NUMBL: variants seen among roughly 807,000 people sequenced by gnomAD.
The protein encoded by NUMBL is numb-like protein.
In NUMBL, 20 loss-of-function variants were observed where a neutral mutation model predicts 48.9. The ratio of observed to expected loss-of-function variants is 0.41; its 90% CI spans 0.29 to 0.59. The LOEUF (loss-of-function observed/expected upper bound fraction) is 0.59. NUMBL is among the 20% of genes least tolerant of loss of function. The pLI is 0.31. For synonymous variants in NUMBL, 340 were observed against 348.7 expected (o/e 0.98, Z 0.28); for missense variants, 660 against 846.2 (o/e 0.78, Z 2.73).
chr19:40,680,800 T>G (rs769801059), intron 6 of NUMBL, 117 bp downstream of exon 6: 35 of 1,157,764 alleles, frequency 3.0e-5, no homozygotes, highest in Non-Finnish European at 4.3e-5. Context: ...CTTCTCCAGA[T>G]GAGGAAACTG....
At position 40,667,465 on chromosome 19, in the gene NUMBL, G is replaced by A. The variant is rs774907654; in HGVS notation, c.*3C>T. ...GATGATGGAGTGGGTGGGGCGGCTC[G>A]GGCTACAGTTCAATCTCGAATGTCT... On this transcript the variant is annotated 3_prime_UTR_variant, in exon 10 of 10. Coordinates refer to ENST00000252891, the MANE Select transcript of NUMBL (RefSeq NM_004756.5). This position sits in a 1 kb window ranked among gnomAD's most constrained non-coding sequence, Gnocchi z 6.1. The A allele has an allele frequency of 2.1e-5, 33 of 1,602,480 alleles. No individual in the cohort carries two copies. Among genetic ancestry groups the A allele is most frequent in the South Asian group, 6.7e-5 (6 of 89,018 alleles).
At position 40,686,993 on chromosome 19, in the gene NUMBL, G is replaced by A. The variant is rs768826919; in HGVS notation, c.27C>T (p.Gly9=). The A allele has an allele frequency of 7.3e-6, 11 of 1,503,464 alleles. No homozygotes were observed. Among genetic ancestry groups the A allele is most frequent in the East Asian group, 2.5e-5 (1 of 40,032 alleles). 93.1% of individuals were successfully genotyped at this position (1,503,464 alleles called of 1,614,324 possible). MSRSAAAS[G]GPRRPERHLP... ...GGTGCCGCTCAGGCCTCCGGGGTCC[G>A]CCCTGCCCGAGTAGGGGAGGAGAAG... Residue 9 remains glycine (G), a splice_region_variant and synonymous_variant, in exon 2 of 10, where the codon GGC becomes GGT. Coordinates refer to ENST00000252891, the MANE Select transcript of NUMBL (RefSeq NM_004756.5).
chr19:40,680,479 C>T (rs2081899263), intron 6 of NUMBL, among the ~76,000 whole-genome samples: 5 of 150,904 alleles, frequency 3.3e-5, no homozygotes, highest in African/African-American at 9.8e-5. Flanking sequence ...GATGGAGTCT[C>T]ACTCTGTCTC....
rs763700067 is a variant in NUMBL at position 40,687,368 on chromosome 19, C to A, written c.25-373G>T. On this transcript the variant is annotated intron_variant, in intron 1 of 9. Transcript: ENST00000252891. The surrounding 1 kb of genome is among the most constrained non-coding windows in gnomAD (Gnocchi z 4.6). Reference sequence around the variant, plus strand: ...CTTTACACACTTGGTTACACATAGACGCAATCACAGCTACACACCTCAGAT... The same window carrying A: ...CTTTACACACTTGGTTACACATAGAAGCAATCACAGCTACACACCTCAGAT... Among the ~76,000 whole-genome samples, 1 of 152,190 alleles carries A rather than the reference C, an allele frequency of 6.6e-6. No homozygotes were observed. The highest frequency in any genetic ancestry group is 2.4e-5 in the African/African-American group (1 of 41,438).
rs199622242 is a variant in NUMBL, at chr19:40,667,974, GC to G, written c.1323del (p.Gln441HisfsTer144). Reference sequence around the variant, plus strand: ...ACTGAGGCTGCTTGCTGCTGTTGCTGCTGCTGCTGCTGCTGCTGTTGCTGTT... The same window carrying G: ...ACTGAGGCTGCTTGCTGCTGTTGCTGTGCTGCTGCTGCTGCTGTTGCTGTT... ...QQQQQQQQQQQQQQQQAASVA... is the reference protein window; with the variant it reads ...QQQQQQQQQQXQQQQQAASVA... On this transcript the variant is annotated frameshift_variant, in exon 10 of 10. Transcript: ENST00000252891. LOFTEE classifies it low-confidence loss of function (END_TRUNC). This position sits in a 1 kb window ranked among gnomAD's most constrained non-coding sequence, Gnocchi z 6.1. 2.0e-5 allele frequency: 30 copies of G among 1,473,160 alleles called. No individual in the cohort carries two copies. Among genetic ancestry groups the G allele is most frequent in the African/African-American group, 7.8e-5 (3 of 38,622 alleles). 91.3% of individuals were successfully genotyped at this position (1,473,160 alleles called of 1,614,324 possible). A position where few individuals can be genotyped will look rare whatever the true frequency, so the allele number is the denominator to read the frequency against.
intron 2 of NUMBL, 105 bp from the exon 3 acceptor site, chr19:40,684,661 T>G: frequency 7.0e-7 from 1 of 1,425,204 alleles, no homozygotes; most frequent in African/African-American, 1.5e-5. Flanking sequence ...GATAACAAGA[T>G]AACTGGAAGC....
At chr19:40,681,142 C>T (rs1012053525) in intron 5 of NUMBL, 85 bp from the exon 6 acceptor site, 7 of 1,483,194 alleles carry the variant, frequency 4.7e-6, no homozygotes, top group Non-Finnish European at 5.6e-6. Context: ...CTGCTGAAAT[C>T]CAGTCCTGAA....
At chr19:40,684,286 C>A in intron 3 of NUMBL, 131 bp downstream of exon 3, 1 of 957,634 alleles carries the variant, frequency 1.0e-6, no homozygotes, top group South Asian at 1.7e-5. Flanking sequence ...GCCAGGACTG[C>A]CGGCCTCACG....
rs1156621782 is a variant in NUMBL, at chr19:40,684,481, C to A, written c.185G>T (p.Arg62Leu). 6.3e-7 allele frequency: 1 copy of A among 1,591,140 alleles called. No individual in the cohort carries two copies. The highest frequency in any genetic ancestry group is 2.3e-5 in the East Asian group (1 of 43,842). Residue 62 changes from arginine to leucine, a missense_variant, in exon 3 of 10, where the codon CGC (arginine) becomes CTC (leucine). Physicochemically the swap from Arg to Leu is moderately radical, Grantham distance 102. Transcript: ENST00000252891. ...CTCGTCTGCCTGCCACTGGTGCGGG[C>A]GCGACGCCTCGGGCACGTAGGCTGG... ...RKPAYVPEAS[R>L]PHQWQADEDA...
rs558551553 is a variant in NUMBL, at chr19:40,687,640, T to C, written c.25-645A>G. Among the ~76,000 whole-genome samples, 20 of 152,270 alleles carry C rather than the reference T, an allele frequency of 1.3e-4. No individual in the cohort carries two copies. The East Asian group carries it at 3.7e-3, about 28-fold the overall frequency. On this transcript the variant is annotated intron_variant, in intron 1 of 9. Transcript: ENST00000252891. The surrounding 1 kb of genome is among the most constrained non-coding windows in gnomAD (Gnocchi z 4.6). The stretch of plus-strand genomic sequence containing the variant: ...ACAACCCACTAGAGCCGCACATGCG[T>C]GGCCACACCCAGTGACAGCTATGTT...
At position 40,686,973 on chromosome 19, in the gene NUMBL, C is replaced by T. The variant is rs1474531871; in HGVS notation, c.47G>A (p.Arg16Gln). The stretch of plus-strand genomic sequence containing the variant: ...CCCACAGGGGGCTGGGGGCAGGTGC[C>T]GCTCAGGCCTCCGGGGTCCGCCCTG... ...AASGGPRRPE[R>Q]HLPPAPCGAP... Residue 16 changes from arginine to glutamine, a missense_variant, in exon 2 of 10, where the codon CGG becomes CAG. By Grantham distance (43) the Arg-to-Gln change is conservative. Coordinates refer to ENST00000252891, the MANE Select transcript of NUMBL (RefSeq NM_004756.5). The T allele has an allele frequency of 1.8e-5, 27 of 1,526,862 alleles. No homozygotes were observed. The highest frequency in any genetic ancestry group is 2.5e-5 in the East Asian group (1 of 40,460). 94.6% of individuals were successfully genotyped at this position (1,526,862 alleles called of 1,614,324 possible).
intron 8 of NUMBL, among the ~76,000 whole-genome samples, chr19:40,672,604 T>C (rs1424251615): frequency 6.6e-6 from 1 of 152,234 alleles, no homozygotes; most frequent in Non-Finnish European, 1.5e-5. Context: ...AGTCTCCCCT[T>C]TGGGTAAAAA....
At chr19:40,677,445 G>C (rs745721750) in intron 6 of NUMBL, 24 bp from the exon 7 acceptor site, 1 of 1,598,438 alleles carries the variant, frequency 6.3e-7, no homozygotes, top group Non-Finnish European at 8.5e-7. Flanking sequence ...ATGGGCGGGG[G>C]GGTTAGAGGC....
Position 40,669,772 on chromosome 19 carries a change from G to A in NUMBL, c.1159+126C>T. ...GGTTGTAGGATGATCCCCTGGCTCT[G>A]AGGTGATCCATGGTTCTAAGCCTGT... On this transcript the variant is annotated intron_variant, in intron 9 of 9. Coordinates refer to ENST00000252891, the MANE Select transcript of NUMBL (RefSeq NM_004756.5). 3.2e-6 allele frequency: 4 copies of A among 1,243,594 alleles called. No homozygotes were observed. The South Asian group carries it at 6.1e-5, about 19-fold the overall frequency. The allele number at this position is 1,243,594 out of a possible 1,614,324, so 77.0% of individuals were successfully genotyped here.
intron 2 of NUMBL, chr19:40,684,844 A>G: frequency 2.6e-6 from 1 of 391,922 alleles, no homozygotes; most frequent in Non-Finnish European, 4.6e-6. Flanking sequence ...CACAGGCTTC[A>G]GGGCATTGGA....
At chr19:40,684,824 G>C in intron 2 of NUMBL, 2 of 458,476 alleles carry the variant, frequency 4.4e-6, no homozygotes, top group East Asian at 8.3e-5. Flanking sequence ...CTGGGGTGGG[G>C]GGTATGGGGC....
chr19:40,673,823 C>G lies in NUMBL; in HGVS notation c.731-174G>C, dbSNP rs1323771197. Among the ~76,000 whole-genome samples, 1 of 152,048 alleles carries G rather than the reference C, an allele frequency of 6.6e-6. No homozygotes were observed. Among genetic ancestry groups the G allele is most frequent in the Non-Finnish European group, 1.5e-5 (1 of 67,998 alleles). ...CCCTCACCCCCACCCAAGTCATGAT[C>G]CCCTTCCCCAGGAGGCTCTTGGAAA... On this transcript the variant is annotated intron_variant, in intron 7 of 9. Transcript: ENST00000252891. This position sits in a 1 kb window ranked among gnomAD's most constrained non-coding sequence, Gnocchi z 5.9.
intron 8 of NUMBL, 75 bp from the exon 9 acceptor site, chr19:40,670,095 C>T: frequency 6.5e-7 from 1 of 1,534,192 alleles, no homozygotes; most frequent in Non-Finnish European, 8.8e-7. Flanking sequence ...ACCCCCCGCC[C>T]TCGGTGGCCC....
rs1555753679 is a variant in NUMBL at position 40,682,984 on chromosome 19, A to AGGG, written c.250-17_250-16insCCC. ...GACCCAGGTACTTGGGTTGGAGGGA[A>AGGG]TGGGGGGGGGGACATGAAACAGCAC... is the stretch of plus-strand genomic sequence containing the variant. On this transcript the variant is annotated splice_polypyrimidine_tract_variant and intron_variant, in intron 3 of 9. Coordinates refer to ENST00000252891, the MANE Select transcript of NUMBL (RefSeq NM_004756.5). This position sits in a 1 kb window ranked among gnomAD's most constrained non-coding sequence, Gnocchi z 4.0. 1.3e-6 allele frequency: 2 copies of AGGG among 1,533,984 alleles called. No individual in the cohort carries two copies. The highest frequency in any genetic ancestry group is 1.6e-5 in the African/African-American group (1 of 64,276).
Sources: allele counts gnomAD v4.1 joint callset (sites outside exome capture counted in the v4.1 genomes callset), GRCh38; gene constraint gnomAD v4.1.1; non-coding constraint Gnocchi (gnomAD v3.1); transcripts MANE v1.5; gene names NCBI Gene and HGNC (gene_info 2026-07-23, HGNC 2026-07-21).